Variants in EDIL3 observed in about 807,000 individuals in gnomAD.
The protein encoded by EDIL3 is EGF-like repeat and discoidin I-like domain-containing protein 3.
EDIL3 carries 37 observed loss-of-function variants against 67.4 expected under a neutral mutation model. The observed-to-expected ratio is 0.55, with a 90% CI of 0.42 to 0.72. EDIL3 has a LOEUF of 0.72. Among genes scored for constraint, EDIL3 ranks in the 30% least tolerant of loss-of-function variants. The pLI is 0.00. For missense variants in EDIL3, 527 were observed against 586.3 expected (o/e 0.90, Z 1.04); for synonymous variants, 195 against 196.3 (o/e 0.99, Z 0.05).
chr5:84,086,224 C>T (rs1747067620), intron 6 of EDIL3, among the ~76,000 whole-genome samples: 1 of 152,176 alleles, frequency 6.6e-6, no homozygotes, highest in African/African-American at 2.4e-5. Flanking sequence ...AAAGGACCTC[C>T]TGCAGCTAGC....
At chr5:84,158,068 A>T (rs1372072485) in intron 4 of EDIL3, among the ~76,000 whole-genome samples, 1 of 152,150 alleles carries the variant, frequency 6.6e-6, no homozygotes, top group Admixed American at 6.5e-5. Flanking sequence ...AGGCACAACA[A>T]GTTTTGTTAT....
chr5:84,382,131 T>C (rs536491742), intron 1 of EDIL3, among the ~76,000 whole-genome samples: 10 of 152,336 alleles, frequency 6.6e-5, no homozygotes, highest in African/African-American at 2.4e-4. Flanking sequence ...AAAGGGCTAA[T>C]GCAAAATGGT....
intron 3 of EDIL3, among the ~76,000 whole-genome samples, chr5:84,201,879 CT>C (rs1293071484): frequency 1.1e-4 from 16 of 151,958 alleles, no homozygotes; most frequent in Non-Finnish European, 2.9e-5. Context: ...GCACTTCATG[CT>C]ATGATTAAGT....
intron 6 of EDIL3, among the ~76,000 whole-genome samples, chr5:84,093,246 A>C (rs1030171394): frequency 2.0e-5 from 3 of 151,332 alleles, no homozygotes; most frequent in Non-Finnish European, 4.4e-5. Context: ...ACATCTATTT[A>C]ACATAGTTTT....
At chr5:84,372,989 T>G (rs2112214737) in intron 1 of EDIL3, among the ~76,000 whole-genome samples, 1 of 152,268 alleles carries the variant, frequency 6.6e-6, no homozygotes, top group Middle Eastern at 3.4e-3. Flanking sequence ...GCAGCCCTCT[T>G]AACTGGATAC....
chr5:84,075,601 G>A (rs972937478), intron 6 of EDIL3, among the ~76,000 whole-genome samples: 6 of 151,984 alleles, frequency 3.9e-5, no homozygotes, highest in Admixed American at 3.9e-4. Context: ...TTAGCCTCTC[G>A]AATAGCTGGG....
chr5:84,019,199 G>A (rs1745664404), intron 9 of EDIL3, among the ~76,000 whole-genome samples: 2 of 152,120 alleles, frequency 1.3e-5, no homozygotes, highest in African/African-American at 2.4e-5. Flanking sequence ...TATACACCAT[G>A]GAATACTATG....
intron 4 of EDIL3, among the ~76,000 whole-genome samples, chr5:84,169,360 C>G (rs1006269142): frequency 1.3e-5 from 2 of 152,032 alleles, no homozygotes; most frequent in African/African-American, 4.8e-5. Context: ...AAAATATTGA[C>G]ATTACTATGA....
At chr5:84,071,830 A>C (rs1474275188) in intron 6 of EDIL3, among the ~76,000 whole-genome samples, 2 of 152,116 alleles carry the variant, frequency 1.3e-5, no homozygotes, top group African/African-American at 4.8e-5. Flanking sequence ...ATCGACTGAA[A>C]ATATAATCAA....
chr5:84,204,986 C>T (rs939109757), intron 3 of EDIL3, among the ~76,000 whole-genome samples: 4 of 151,980 alleles, frequency 2.6e-5, no homozygotes, highest in Admixed American at 2.6e-4. Context: ...AATCACAGCT[C>T]ACCATAGCTT....
At chr5:84,136,796 G>C (rs1421141475) in intron 5 of EDIL3, among the ~76,000 whole-genome samples, 1 of 151,982 alleles carries the variant, frequency 6.6e-6, no homozygotes. Context: ...AAAAGTGCTG[G>C]GATTACAGGC....
intron 10 of EDIL3, among the ~76,000 whole-genome samples, chr5:83,947,590 G>T (rs973727735): frequency 2.0e-5 from 3 of 151,786 alleles, no homozygotes; most frequent in African/African-American, 7.3e-5. Context: ...ATCTGGAAGA[G>T]AACTCAGAGA....
intron 3 of EDIL3, among the ~76,000 whole-genome samples, chr5:84,212,293 A>T (rs2112390613): frequency 6.6e-6 from 1 of 152,318 alleles, no homozygotes; most frequent in South Asian, 2.1e-4. Flanking sequence ...AGACACAGAT[A>T]AAAGTGGAGA....
At chr5:83,991,475 C>T (rs1456792268) in intron 9 of EDIL3, among the ~76,000 whole-genome samples, 1 of 152,160 alleles carries the variant, frequency 6.6e-6, no homozygotes, top group African/African-American at 2.4e-5. Context: ...TCTATGATCA[C>T]ACCTCTTACT....
intron 9 of EDIL3, among the ~76,000 whole-genome samples, chr5:84,040,351 T>C (rs2112212702): frequency 6.6e-6 from 1 of 152,270 alleles, no homozygotes; most frequent in South Asian, 2.1e-4. Flanking sequence ...TCTTCACTGA[T>C]CATATTTTCT....
At position 84,288,604 on chromosome 5, in the gene EDIL3, C is replaced by T. The variant is rs1005265896; in HGVS notation, c.68-34392G>A. 4.6e-5 allele frequency among the ~76,000 whole-genome samples: 7 copies of T among 152,204 alleles called. No individual in the cohort carries two copies. The East Asian group carries it at 1.4e-3, about 29-fold the overall frequency. On this transcript the variant is annotated intron_variant, in intron 1 of 10. Coordinates refer to ENST00000296591, the MANE Select transcript of EDIL3 (RefSeq NM_005711.5). ...AGAGGGCTTCACATCGTCCTGTCAC[C>T]TCGGGATATTTCCATCTAAACACTT... is the stretch of plus-strand genomic sequence containing the variant.
At chr5:84,232,952 G>C (rs984357287) in intron 2 of EDIL3, among the ~76,000 whole-genome samples, 1 of 152,074 alleles carries the variant, frequency 6.6e-6, no homozygotes, top group African/African-American at 2.4e-5. Flanking sequence ...ATCACAGAAG[G>C]TACTATCATG....
At chr5:84,275,175 C>T (rs555773805) in intron 1 of EDIL3, among the ~76,000 whole-genome samples, 3 of 152,300 alleles carry the variant, frequency 2.0e-5, no homozygotes, top group East Asian at 1.9e-4. Flanking sequence ...AAACCACCTA[C>T]TCCATAGTTA....
chr5:84,260,355 A>T (rs1745204644), intron 1 of EDIL3, among the ~76,000 whole-genome samples: 1 of 152,212 alleles, frequency 6.6e-6, no homozygotes, highest in South Asian at 2.1e-4. Context: ...GTCAGCCCTC[A>T]TGATAGGTAA....
Sources: gnomAD v4.1 joint callset for allele counts (sites outside exome capture counted in the v4.1 genomes callset) on GRCh38, gnomAD v4.1.1 for gene constraint, MANE v1.5 for transcripts, NCBI Gene and HGNC (gene_info 2026-07-23, HGNC 2026-07-21) for gene names.